THSD7B: variants seen among roughly 807,000 people sequenced by gnomAD.
THSD7B encodes thrombospondin type-1 domain-containing protein 7B.
Under a neutral mutation model 213.6 loss-of-function variants are expected in THSD7B, and 138 were observed. That is an observed-to-expected ratio of 0.65 (90% confidence interval 0.56 to 0.74). The LOEUF (loss-of-function observed/expected upper bound fraction) is 0.74. Ranked by LOEUF, THSD7B falls within the 30% of genes least tolerant of loss-of-function variation. The pLI, the probability that THSD7B is intolerant of heterozygous loss-of-function variation, is 0.00. For missense variants in THSD7B, 1,931 were observed against 1,991.5 expected, an observed-to-expected ratio of 0.97 and a Z score of 0.58; for synonymous variants, 742 against 687.0, an observed-to-expected ratio of 1.08 and a Z score of -1.25.
intron 2 of THSD7B, among the ~76,000 whole-genome samples, chr2:136,951,349 G>A (rs1685035121): frequency 6.6e-6 from 1 of 152,018 alleles, no homozygotes; most frequent in Admixed American, 6.6e-5. Context: ...TGATTAAAAT[G>A]TCCTGTAAAT....
At chr2:136,873,295 G>A (rs1683472140) in intron 1 of THSD7B, among the ~76,000 whole-genome samples, 1 of 152,022 alleles carries the variant, frequency 6.6e-6, no homozygotes, top group African/African-American at 2.4e-5. Context: ...ATACTTTTAT[G>A]GTATGCATTC....
chr2:136,802,639 TTATATATATATA>T (rs56719114), intron 1 of THSD7B, among the ~76,000 whole-genome samples: 6,028 of 57,334 alleles, frequency 0.11, 382 homozygotes, highest in African/African-American at 0.18. Context: ...TGAATTAAGT[TTATATATATATA>T]TATATATATA....
intron 2 of THSD7B, among the ~76,000 whole-genome samples, chr2:137,046,173 T>C (rs1165765247): frequency 6.6e-6 from 1 of 152,194 alleles, no homozygotes; most frequent in East Asian, 1.9e-4. Flanking sequence ...ACTGTATGCC[T>C]AGTGCTGGGC....
In THSD7B at chr2:136,901,476, T is replaced by C. The variant is rs73957704; in HGVS notation, c.139+19159T>C. 9.3e-3 allele frequency among the ~76,000 whole-genome samples: 1,411 copies of C among 152,318 alleles called. 23 individuals carry two copies. The highest frequency in any genetic ancestry group is 0.032 in the African/African-American group (1,320 of 41,580). ...CTGAGAAAGCCCATGTGCTTCCTAA[T>C]TGTTAAATTCTGAAGTAGACGATAA... On this transcript the variant is annotated intron_variant, in intron 2 of 27. Coordinates refer to ENST00000409968, the MANE Select transcript of THSD7B (RefSeq NM_001316349.2).
chr2:136,894,100 G>C (rs1683909988), intron 2 of THSD7B, among the ~76,000 whole-genome samples: 1 of 152,142 alleles, frequency 6.6e-6, no homozygotes, highest in Non-Finnish European at 1.5e-5. Flanking sequence ...TCATCCAGTG[G>C]TGGATTTCAT....
At chr2:137,295,298 T>A (rs61207605) in intron 12 of THSD7B, among the ~76,000 whole-genome samples, 7,722 of 152,238 alleles carry the variant, frequency 0.051, 469 homozygotes, top group African/African-American at 0.14. Flanking sequence ...CAGTGATACA[T>A]GCTTAGTCTC....
chr2:137,445,147 A>G (rs1687510327), intron 14 of THSD7B, among the ~76,000 whole-genome samples: 1 of 152,082 alleles, frequency 6.6e-6, no homozygotes, highest in Non-Finnish European at 1.5e-5. Flanking sequence ...GAATGCTCGT[A>G]CACAGTTGGT....
intron 1 of THSD7B, among the ~76,000 whole-genome samples, chr2:136,770,021 A>G (rs540656731): frequency 2.6e-4 from 40 of 152,330 alleles, no homozygotes; most frequent in Non-Finnish European, 1.5e-4. Context: ...TTGACTTGGA[A>G]GAAACTCATG....
chr2:137,178,486 A>T (rs1340053201), intron 7 of THSD7B, among the ~76,000 whole-genome samples: 1 of 152,220 alleles, frequency 6.6e-6, no homozygotes, highest in Non-Finnish European at 1.5e-5. Flanking sequence ...TGTGCTGTTC[A>T]CGCTACAGGA....
chr2:136,842,109 A>G (rs751736060), intron 1 of THSD7B, among the ~76,000 whole-genome samples: 4 of 152,180 alleles, frequency 2.6e-5, no homozygotes, highest in Non-Finnish European at 5.9e-5. Context: ...TGTCAAATGA[A>G]AGGATTTAAG....
At chr2:137,088,483 A>G (rs913727053) in intron 3 of THSD7B, among the ~76,000 whole-genome samples, 6 of 151,976 alleles carry the variant, frequency 3.9e-5, no homozygotes, top group Admixed American at 3.3e-4. Context: ...TCAACTTAAG[A>G]TGGATTAAGG....
intron 7 of THSD7B, among the ~76,000 whole-genome samples, chr2:137,191,580 C>G (rs935097960): frequency 3.3e-5 from 5 of 151,926 alleles, no homozygotes; most frequent in African/African-American, 1.2e-4. Flanking sequence ...CTTCCTCTTG[C>G]CTCTGGGCCT....
chr2:137,651,564 G>T (rs746771160), intron 21 of THSD7B, among the ~76,000 whole-genome samples: 1 of 151,654 alleles, frequency 6.6e-6, no homozygotes, highest in Admixed American at 6.6e-5. Context: ...TTGACTTATG[G>T]CTACTCTGAT....
intron 12 of THSD7B, among the ~76,000 whole-genome samples, chr2:137,325,509 AC>A: frequency 6.6e-6 from 1 of 152,034 alleles, no homozygotes; most frequent in East Asian, 1.9e-4. Flanking sequence ...CAGCTTCATG[AC>A]CTGTAAAATA....
intron 3 of THSD7B, among the ~76,000 whole-genome samples, chr2:137,077,304 A>G (rs1687647817): frequency 6.6e-6 from 1 of 152,108 alleles, no homozygotes; most frequent in African/African-American, 2.4e-5. Flanking sequence ...ATGTGTCTTT[A>G]TAGCAGCATG....
chr2:137,537,107 G>A (rs913277989), intron 15 of THSD7B, among the ~76,000 whole-genome samples: 4 of 151,758 alleles, frequency 2.6e-5, no homozygotes, highest in African/African-American at 9.7e-5. Flanking sequence ...CCCAAGTTTT[G>A]ATGATCATTG....
chr2:137,368,828 T>C (rs943321212), intron 12 of THSD7B, among the ~76,000 whole-genome samples: 3 of 152,082 alleles, frequency 2.0e-5, no homozygotes, highest in Non-Finnish European at 4.4e-5. Flanking sequence ...TTATGTTATT[T>C]GCATTTGCAA....
chr2:137,541,049 G>A (rs1037326504), intron 15 of THSD7B, among the ~76,000 whole-genome samples: 1 of 151,686 alleles, frequency 6.6e-6, no homozygotes, highest in African/African-American at 2.4e-5. Flanking sequence ...CATACGTATA[G>A]CCACTCAGCA....
chr2:136,811,856 C>T (rs970524357), intron 1 of THSD7B, among the ~76,000 whole-genome samples: 8 of 152,106 alleles, frequency 5.3e-5, no homozygotes, highest in Admixed American at 5.2e-4. Flanking sequence ...CATGGTTGTC[C>T]TCTTTGGAAG....
Sources: gnomAD v4.1 joint callset for allele counts (sites outside exome capture counted in the v4.1 genomes callset) on GRCh38, gnomAD v4.1.1 for gene constraint, MANE v1.5 for transcripts, NCBI Gene and HGNC (gene_info 2026-07-23, HGNC 2026-07-21) for gene names.